ERICH6B: variants seen among roughly 807,000 people sequenced by gnomAD.
The protein encoded by ERICH6B is glutamate rich 6B, also known as glutamate-rich protein 6B.
In ERICH6B, 69 loss-of-function variants were observed where a neutral mutation model predicts 80.0. That is an observed-to-expected ratio of 0.86 (90% CI 0.71 to 1.05). ERICH6B has a LOEUF of 1.05. Ranked by LOEUF, ERICH6B falls within the 50% of genes least tolerant of loss-of-function variation. ERICH6B has a pLI of 0.00. For missense variants in ERICH6B, 754 were observed against 796.1 expected (o/e 0.95, Z 0.64); for synonymous variants, 283 against 291.9 (o/e 0.97, Z 0.31).
At chr13:45,603,493 G>C (rs893922434) in intron 2 of ERICH6B, among the ~76,000 whole-genome samples, 2 of 152,206 alleles carry the variant, frequency 1.3e-5, no homozygotes, top group Non-Finnish European at 2.9e-5. Flanking sequence ...ATGTCCTCCC[G>C]ACTCTTCTCC....
Position 45,596,412 on chromosome 13 carries a change from C to G in ERICH6B, c.594G>C (p.Glu198Asp). The G allele has an allele frequency of 1.3e-6, 2 of 1,551,822 alleles. No homozygotes were observed. The highest frequency in any genetic ancestry group is 1.7e-6 in the Non-Finnish European group (2 of 1,146,994). ...ACAGATTTTCTTTTCCATCCAGATT[C>G]TCTTCCTTCTCCAGAGCTTCTTCCT... The part of the protein sequence containing the change: ...LEEEEALEKE[E>D]NLDGKENLYK... Residue 198 changes from glutamate (E) to aspartate (D), a missense_variant, in exon 3 of 15, where the codon GAG (glutamate) becomes GAC (aspartate). By Grantham distance (45) the Glu-to-Asp change is conservative. Transcript: ENST00000298738.
At chr13:45,550,386 A>T in intron 11 of ERICH6B, 70 bp from the exon 12 acceptor site, 1 of 1,292,722 alleles carries the variant, frequency 7.7e-7, no homozygotes, top group Non-Finnish European at 1.1e-6. Flanking sequence ...ACTGCAGAGC[A>T]CGGTGTGGAC....
rs186585893 is a variant in ERICH6B, at chr13:45,596,187, G to A, written c.637+182C>T. On this transcript the variant is annotated intron_variant, in intron 3 of 14. Coordinates refer to ENST00000298738, the MANE Select transcript of ERICH6B (RefSeq NM_182542.3). ...ACCATGGATAGAGTTGACAATTTGC[G>A]CTCTGGCTCTATGTCAGGTTTGTGC... is the stretch of plus-strand genomic sequence containing the variant. 1.5e-4 allele frequency among the ~76,000 whole-genome samples: 23 copies of A among 152,188 alleles called. 1 individual carries two copies. In the South Asian group the frequency reaches 1.9e-3, roughly 12 times the overall value.
chr13:45,573,493 T>C (rs576660597), intron 8 of ERICH6B, among the ~76,000 whole-genome samples: 1 of 152,362 alleles, frequency 6.6e-6, no homozygotes, highest in East Asian at 1.9e-4. Flanking sequence ...TATTTTAAAA[T>C]GGTGTGCAGC....
At chr13:45,599,478 G>C (rs1468653178) in intron 2 of ERICH6B, among the ~76,000 whole-genome samples, 1 of 152,278 alleles carries the variant, frequency 6.6e-6, no homozygotes, top group Non-Finnish European at 1.5e-5. Context: ...GCTCCCATCA[G>C]GCAGTAGCAA....
At chr13:45,560,382 A>G (rs1874618860) in intron 11 of ERICH6B, among the ~76,000 whole-genome samples, 1 of 152,144 alleles carries the variant, frequency 6.6e-6, no homozygotes, top group South Asian at 2.1e-4. Flanking sequence ...TTTCCCATAT[A>G]TGCACAGCCT....
intron 8 of ERICH6B, among the ~76,000 whole-genome samples, chr13:45,574,165 A>T (rs372759748): frequency 6.6e-5 from 10 of 152,230 alleles, no homozygotes; most frequent in East Asian, 5.8e-4. Context: ...CATTTTTAGG[A>T]TTGTAGTCAG....
chr13:45,568,561 C>T, intron 8 of ERICH6B, 110 bp from the exon 9 acceptor site: 1 of 1,099,274 alleles, frequency 9.1e-7, no homozygotes, highest in Non-Finnish European at 1.2e-6. Flanking sequence ...ACATATTATT[C>T]TAAAAATACA....
In ERICH6B at chr13:45,550,020, G is replaced by A. The variant is rs1055033765; in HGVS notation, c.1519C>T (p.Leu507Phe). The change falls in exon 13 of 15, where the codon CTC becomes TTC. Residue 507 changes from leucine to phenylalanine, a missense_variant. By Grantham distance (22) the Leu-to-Phe change is conservative. Coordinates refer to ENST00000298738, the MANE Select transcript of ERICH6B (RefSeq NM_182542.3). Reference protein sequence around the residue: ...IHYPSGNLAMLILYAKMKKFT... With the variant: ...IHYPSGNLAMFILYAKMKKFT... ...TTTTTCATTTTCGCATATAAGATGA[G>A]CATAGCCAGGTTTCCTGATGGATAA... The A allele has an allele frequency of 2.7e-5, 42 of 1,551,778 alleles. No homozygotes were observed. The highest frequency in any genetic ancestry group is 4.1e-5 in the African/African-American group (3 of 73,040).
Position 45,569,273 on chromosome 13 carries a change from G to T in ERICH6B, c.1051-822C>A, listed in dbSNP as rs557642500. Among the ~76,000 whole-genome samples, 5 of 152,220 alleles carry T rather than the reference G, an allele frequency of 3.3e-5. No individual in the cohort carries two copies. In the East Asian group the frequency reaches 9.7e-4, roughly 29 times the overall value. On this transcript the variant is annotated intron_variant, in intron 8 of 14. Coordinates refer to ENST00000298738, the MANE Select transcript of ERICH6B (RefSeq NM_182542.3). ...CCTGAGTAGCTGGGATCACAGGCAC[G>T]TGCCACCATGCCCAGCTAATTTTTG... is the stretch of plus-strand genomic sequence containing the variant.
intron 8 of ERICH6B, among the ~76,000 whole-genome samples, chr13:45,568,906 C>T (rs1875036491): frequency 6.6e-6 from 1 of 152,018 alleles, no homozygotes; most frequent in African/African-American, 2.4e-5. Flanking sequence ...ATACAATTAT[C>T]TTCTTTTTTC....
intron 3 of ERICH6B, among the ~76,000 whole-genome samples, chr13:45,592,603 G>A (rs1361696461): frequency 6.6e-6 from 1 of 152,116 alleles, no homozygotes; most frequent in Non-Finnish European, 1.5e-5. Context: ...AAAAGATTAG[G>A]CAAAAACATG....
chr13:45,597,777 G>A (rs919339861), intron 2 of ERICH6B, among the ~76,000 whole-genome samples: 1 of 152,042 alleles, frequency 6.6e-6, no homozygotes, highest in African/African-American at 2.4e-5. Flanking sequence ...TTGTTTGCAC[G>A]TTTGTTCTTC....
At chr13:45,567,105 T>C (rs921502115) in intron 9 of ERICH6B, among the ~76,000 whole-genome samples, 2 of 152,246 alleles carry the variant, frequency 1.3e-5, no homozygotes, top group African/African-American at 4.8e-5. Flanking sequence ...ATGGGGCCTG[T>C]AGCCCCTTCG....
At chr13:45,571,609 C>T (rs1875171770) in intron 8 of ERICH6B, among the ~76,000 whole-genome samples, 1 of 152,170 alleles carries the variant, frequency 6.6e-6, no homozygotes, top group African/African-American at 2.4e-5. Context: ...ATTGTATTTC[C>T]CTGCTTCCCT....
intron 1 of ERICH6B, among the ~76,000 whole-genome samples, chr13:45,614,789 T>C (rs1949918503): frequency 6.6e-6 from 1 of 152,264 alleles, no homozygotes; most frequent in South Asian, 2.1e-4. Context: ...ATAACCTTGT[T>C]CATTAACTTG....
At chr13:45,560,376 C>A (rs1874618278) in intron 11 of ERICH6B, among the ~76,000 whole-genome samples, 1 of 152,048 alleles carries the variant, frequency 6.6e-6, no homozygotes, top group African/African-American at 2.4e-5. Context: ...GTACAGTTTC[C>A]CATATATGCA....
intron 11 of ERICH6B, among the ~76,000 whole-genome samples, chr13:45,550,750 T>C (rs1294030486): frequency 2.0e-5 from 3 of 152,184 alleles, no homozygotes; most frequent in Non-Finnish European, 4.4e-5. Flanking sequence ...ACGGAGATCC[T>C]TGACATTCCT....
intron 8 of ERICH6B, among the ~76,000 whole-genome samples, chr13:45,570,521 C>G (rs550976380): frequency 6.6e-6 from 1 of 152,046 alleles, no homozygotes; most frequent in Non-Finnish European, 1.5e-5. Flanking sequence ...GTTGATAGAC[C>G]CCCTCCAAAT....
Sources: allele counts gnomAD v4.1 joint callset (sites outside exome capture counted in the v4.1 genomes callset), GRCh38; gene constraint gnomAD v4.1.1; transcripts MANE v1.5; gene names NCBI Gene and HGNC (gene_info 2026-07-23, HGNC 2026-07-21).